Variants in MYCT1 observed in about 807,000 individuals in gnomAD.
MYCT1 encodes myc target protein 1.
In MYCT1, 12 loss-of-function variants were observed where a neutral mutation model predicts 15.0. That is an observed-to-expected ratio of 0.80 (90% CI 0.51 to 1.29). The LOEUF is 1.29. MYCT1 is among the 50% of genes most tolerant of loss of function. The pLI is 0.00. For synonymous variants in MYCT1, 104 were observed against 102.7 expected (o/e 1.01, Z -0.07); for missense variants, 287 against 279.1 (o/e 1.03, Z -0.20).
At chr6:152,719,668 G>A (rs1227348306) in intron 1 of MYCT1, among the ~76,000 whole-genome samples, 2 of 152,186 alleles carry the variant, frequency 1.3e-5, no homozygotes, top group African/African-American at 4.8e-5. Context: ...GGAGATAAAT[G>A]TGACAATATA....
chr6:152,739,191 A>T, the MYCT1 span, among the ~76,000 whole-genome samples: 1,057 of 151,438 alleles, frequency 7.0e-3, 13 homozygotes, highest in African/African-American at 0.024. Flanking sequence ...AGTTTCCCTT[A>T]AAAAAAAGCC....
chr6:152,720,170 AG>A lies in MYCT1; in HGVS notation c.197-1568del, dbSNP rs556568056. On this transcript the variant is annotated intron_variant, in intron 1 of 1. Transcript: ENST00000367245. Reference sequence around the variant, plus strand: ...TTAGCAGGCTCTTGGCTAGGGCAGTAGGGGTTCCTGGGCCATGTGTCTCTCA... The same window carrying A: ...TTAGCAGGCTCTTGGCTAGGGCAGTAGGGTTCCTGGGCCATGTGTCTCTCA... Among the ~76,000 whole-genome samples the A allele has an allele frequency of 1.5e-3, 234 of 151,792 alleles. 1 individual carries two copies. The highest frequency in any genetic ancestry group is 5.5e-3 in the African/African-American group (227 of 41,278).
At chr6:152,730,177 A>G in the MYCT1 span, among the ~76,000 whole-genome samples, 4 of 152,148 alleles carry the variant, frequency 2.6e-5, no homozygotes, top group African/African-American at 9.7e-5. Flanking sequence ...TCCATGTTCT[A>G]CCCTTTCTCA....
chr6:152,706,708 A>T (rs1013712943), intron 1 of MYCT1, among the ~76,000 whole-genome samples: 2 of 152,138 alleles, frequency 1.3e-5, no homozygotes, highest in Non-Finnish European at 2.9e-5. Flanking sequence ...CTAAGCTATG[A>T]AGTTTGGTTA....
downstream of MYCT1, among the ~76,000 whole-genome samples, chr6:152,728,216 T>C (rs1465702190): frequency 6.6e-6 from 1 of 150,380 alleles, no homozygotes; most frequent in Non-Finnish European, 1.5e-5. Context: ...TCTGCTTAGC[T>C]AAAATAGAGA....
At chr6:152,740,524 T>A in the MYCT1 span, among the ~76,000 whole-genome samples, 4 of 152,126 alleles carry the variant, frequency 2.6e-5, no homozygotes, top group African/African-American at 7.2e-5. Context: ...AATAGAAATA[T>A]AAACTTGAAA....
intron 1 of MYCT1, chr6:152,705,921 A>G (rs2099722179): frequency 2.6e-6 from 2 of 766,802 alleles, no homozygotes; most frequent in Admixed American, 1.7e-5. Flanking sequence ...TTACGATGCT[A>G]TGGTCAGAGA....
the MYCT1 span, among the ~76,000 whole-genome samples, chr6:152,736,135 G>C: frequency 1.3e-5 from 2 of 152,046 alleles, no homozygotes. Flanking sequence ...CTTTTTAGCT[G>C]TGCACTTAAT....
chr6:152,735,565 A>G, the MYCT1 span, among the ~76,000 whole-genome samples: 22 of 152,180 alleles, frequency 1.4e-4, no homozygotes, highest in Non-Finnish European at 3.2e-4. Context: ...AAATGCCTAA[A>G]TAGAGGTGAA....
At chr6:152,705,415 A>C (rs374633905) in intron 1 of MYCT1, among the ~76,000 whole-genome samples, 83 of 152,244 alleles carry the variant, frequency 5.5e-4, no homozygotes, top group Non-Finnish European at 6.6e-4. Context: ...CATCGTAGCC[A>C]AAAAATCCCA....
At chr6:152,705,159 G>A (rs1338071619) in intron 1 of MYCT1, among the ~76,000 whole-genome samples, 2 of 152,052 alleles carry the variant, frequency 1.3e-5, no homozygotes, top group Admixed American at 1.3e-4. Flanking sequence ...GAAAATATCA[G>A]GTTGAAACTG....
chr6:152,704,904 T>C (rs948609690), intron 1 of MYCT1, among the ~76,000 whole-genome samples: 2 of 152,130 alleles, frequency 1.3e-5, no homozygotes, highest in African/African-American at 2.4e-5. Context: ...CAATTTCAAG[T>C]ATAAGAAATA....
chr6:152,715,571 T>TAA (rs10670114), intron 1 of MYCT1, among the ~76,000 whole-genome samples: 108,920 of 151,752 alleles, frequency 0.72, 39,587 homozygotes, highest in East Asian at 0.98. Context: ...CACATTTTCT[T>TAA]AGAGTATAAA....
chr6:152,743,533 C>T, the MYCT1 span, among the ~76,000 whole-genome samples: 2 of 152,182 alleles, frequency 1.3e-5, no homozygotes, highest in Non-Finnish European at 2.9e-5. Flanking sequence ...ATTGAACTGC[C>T]TGTTAACATC....
intron 1 of MYCT1, among the ~76,000 whole-genome samples, chr6:152,721,359 A>T (rs561896491): frequency 6.6e-6 from 1 of 152,358 alleles, no homozygotes; most frequent in African/African-American, 2.4e-5. Flanking sequence ...AATCTGGCAC[A>T]TTAGTTACTA....
downstream of MYCT1, among the ~76,000 whole-genome samples, chr6:152,727,108 G>A (rs1382578081): frequency 6.6e-5 from 10 of 151,926 alleles, no homozygotes; most frequent in Admixed American, 1.3e-4. Context: ...CTACTCGGGA[G>A]GCTGAGGCAG....
chr6:152,706,355 A>G (rs1474419551), intron 1 of MYCT1, among the ~76,000 whole-genome samples: 2 of 152,132 alleles, frequency 1.3e-5, no homozygotes. Context: ...GTATTTTTGA[A>G]TAAAAAGACA....
Position 152,716,108 on chromosome 6 carries a change from G to T in MYCT1, c.197-5634G>T, listed in dbSNP as rs374599432. Among the ~76,000 whole-genome samples the T allele has an allele frequency of 1.1e-4, 17 of 152,314 alleles. 2 individuals carry two copies. The highest frequency in any genetic ancestry group is 9.8e-4 in the Admixed American group (15 of 15,280). On this transcript the variant is annotated intron_variant, in intron 1 of 1. Transcript: ENST00000367245. Reference sequence around the variant, plus strand: ...ACCATATTCCAGGTCACAGATGTGGGAATGTGGCCACTTGGATCAGTGAAG... The same window carrying T: ...ACCATATTCCAGGTCACAGATGTGGTAATGTGGCCACTTGGATCAGTGAAG...
the MYCT1 span, among the ~76,000 whole-genome samples, chr6:152,734,925 G>A: frequency 7.7e-4 from 118 of 152,266 alleles, 1 homozygote; most frequent in Middle Eastern, 6.8e-3. Context: ...ACTGAAAAAT[G>A]CATTTACTGG....
Sources: gnomAD v4.1 joint callset for allele counts (sites outside exome capture counted in the v4.1 genomes callset) on GRCh38, gnomAD v4.1.1 for gene constraint, MANE v1.5 for transcripts, NCBI Gene and HGNC (gene_info 2026-07-23, HGNC 2026-07-21) for gene names.